The following FOXN3 variants were observed in gnomAD, a reference collection of about 807,000 sequenced individuals.
FOXN3 encodes the protein forkhead box N3.
A neutral mutation model predicts 38.4 loss-of-function variants in FOXN3; 7 were observed. The ratio of observed to expected loss-of-function variants is 0.18; its 90% CI spans 0.10 to 0.34. The LOEUF (loss-of-function observed/expected upper bound fraction) is 0.34, where lower values mean the gene tolerates loss of function less well. FOXN3 is among the 10% of genes least tolerant of loss of function. FOXN3 has a pLI of 1.00. For missense variants in FOXN3, 456 were observed against 613.4 expected (o/e 0.74, Z 2.71); for synonymous variants, 230 against 242.2 (o/e 0.95, Z 0.47).
At chr14:89,283,955 G>A (rs565703136) in intron 3 of FOXN3, among the ~76,000 whole-genome samples, 61 of 152,230 alleles carry the variant, frequency 4.0e-4, no homozygotes, top group African/African-American at 1.4e-3. Flanking sequence ...CCACCTGCCA[G>A]GTTCAAGCAA....
rs1040310359 is a variant in FOXN3 at position 89,414,918 on chromosome 14, C to A, written c.-15+1953G>T. Among the ~76,000 whole-genome samples the A allele has an allele frequency of 2.6e-5, 4 of 152,278 alleles. No homozygotes were observed. The East Asian group carries it at 7.7e-4, about 29-fold the overall frequency. Reference sequence around the variant, plus strand: ...GCAGTACAGACCAGGCAGGATGCTCCAGACGTCTTGGGTTCACTCACAGGG... The same window carrying A: ...GCAGTACAGACCAGGCAGGATGCTCAAGACGTCTTGGGTTCACTCACAGGG... On this transcript the variant is annotated intron_variant, in intron 1 of 5. Coordinates refer to ENST00000557258, the MANE Select transcript of FOXN3 (RefSeq NM_005197.4).
In FOXN3 at chr14:89,283,805, C is replaced by T. The variant is rs118100627; in HGVS notation, c.681-2791G>A. Among the ~76,000 whole-genome samples the T allele has an allele frequency of 1.8e-4, 27 of 152,304 alleles. No individual in the cohort carries two copies. The East Asian group carries it at 4.8e-3, about 27-fold the overall frequency. ...CCATTTACTGAGCATAGTAATCAAC[C>T]CTTTTCCATGGAATCCTCTAATTCT... is the stretch of plus-strand genomic sequence containing the variant. On this transcript the variant is annotated intron_variant, in intron 3 of 5. Coordinates refer to ENST00000557258, the MANE Select transcript of FOXN3 (RefSeq NM_005197.4).
chr14:89,459,185 A>G (rs1892788564), intron 1 of FOXN3, among the ~76,000 whole-genome samples: 1 of 151,438 alleles, frequency 6.6e-6, no homozygotes, highest in African/African-American at 2.5e-5. Flanking sequence ...AAAAAGGGGA[A>G]AAAAAACAGG....
intron 1 of FOXN3, among the ~76,000 whole-genome samples, chr14:89,481,765 T>G (rs1893335793): frequency 6.6e-6 from 1 of 152,162 alleles, no homozygotes; most frequent in Non-Finnish European, 1.5e-5. Flanking sequence ...AACAAAAAGC[T>G]GAGAAGAGTG....
chr14:89,553,184 A>C (rs571197554), intron 1 of FOXN3, among the ~76,000 whole-genome samples: 2 of 150,718 alleles, frequency 1.3e-5, no homozygotes, highest in Non-Finnish European at 3.0e-5. Flanking sequence ...GAATGCAGTA[A>C]GCAGTGATGT....
chr14:89,527,068 G>A (rs1894447308), intron 1 of FOXN3, among the ~76,000 whole-genome samples: 1 of 151,432 alleles, frequency 6.6e-6, no homozygotes, highest in Non-Finnish European at 1.5e-5. Flanking sequence ...GGAGGAGGAA[G>A]GGGAAGGGAG....
chr14:89,549,724 G>C (rs1482228719), intron 1 of FOXN3, among the ~76,000 whole-genome samples: 1 of 152,184 alleles, frequency 6.6e-6, no homozygotes, highest in Non-Finnish European at 1.5e-5. Context: ...TCAGATTCAA[G>C]GCATGGCCAA....
upstream of FOXN3, among the ~76,000 whole-genome samples, chr14:89,421,309 C>T (rs1329857694): frequency 6.0e-5 from 9 of 150,182 alleles, no homozygotes; most frequent in African/African-American, 2.2e-4. Context: ...ACCACCACAC[C>T]TGGCTAATTT....
chr14:89,520,820 A>G (rs1470604771), intron 1 of FOXN3, among the ~76,000 whole-genome samples: 1 of 152,230 alleles, frequency 6.6e-6, no homozygotes, highest in Admixed American at 6.5e-5. Flanking sequence ...GCAATCAGAA[A>G]GACTGATCCC....
chr14:89,585,767 AAAAAAG>A (rs1429953954), intron 1 of FOXN3, among the ~76,000 whole-genome samples: 9 of 151,864 alleles, frequency 5.9e-5, no homozygotes, highest in Non-Finnish European at 1.0e-4. Flanking sequence ...GAAAAAAAAA[AAAAAAG>A]AAAGGAAGGA....
intron 1 of FOXN3, among the ~76,000 whole-genome samples, chr14:89,500,495 C>T (rs988125954): frequency 6.6e-6 from 1 of 152,218 alleles, no homozygotes; most frequent in African/African-American, 2.4e-5. Context: ...CTTTACCACT[C>T]TGTTTCAAGC....
chr14:89,324,626 G>T (rs8019397), intron 3 of FOXN3, among the ~76,000 whole-genome samples: 1 of 152,090 alleles, frequency 6.6e-6, no homozygotes, highest in Admixed American at 6.6e-5. Flanking sequence ...ACAAAACAGC[G>T]TTTCATCCTA....
At chr14:89,410,541 A>C (rs1333554059) in intron 2 of FOXN3, among the ~76,000 whole-genome samples, 1 of 152,192 alleles carries the variant, frequency 6.6e-6, no homozygotes, top group African/African-American at 2.4e-5. Context: ...CCACTTCTTA[A>C]CAGCTGCCCA....
intron 1 of FOXN3, among the ~76,000 whole-genome samples, chr14:89,455,274 G>A (rs990851443): frequency 4.6e-5 from 7 of 152,192 alleles, no homozygotes; most frequent in African/African-American, 1.4e-4. Context: ...GAAACAAAGG[G>A]AAAAGGAAAA....
intron 3 of FOXN3, among the ~76,000 whole-genome samples, chr14:89,339,972 C>A (rs975961395): frequency 6.6e-6 from 1 of 152,060 alleles, no homozygotes; most frequent in African/African-American, 2.4e-5. Context: ...GGGTGGGGGG[C>A]AATTTCCAGT....
intron 3 of FOXN3, among the ~76,000 whole-genome samples, chr14:89,302,720 C>T (rs1014765189): frequency 6.6e-6 from 1 of 152,190 alleles, no homozygotes; most frequent in African/African-American, 2.4e-5. Context: ...CCTCCAAAGC[C>T]ACTTGCAGAG....
At chr14:89,393,599 C>T (rs1425902925) in intron 2 of FOXN3, among the ~76,000 whole-genome samples, 1 of 152,224 alleles carries the variant, frequency 6.6e-6, no homozygotes, top group African/African-American at 2.4e-5. Context: ...CCATAAACCA[C>T]CACACCTCAG....
At chr14:89,435,880 T>A (rs1892265267) in intron 1 of FOXN3, among the ~76,000 whole-genome samples, 1 of 152,168 alleles carries the variant, frequency 6.6e-6, no homozygotes, top group Non-Finnish European at 1.5e-5. Context: ...CCTTCCTGGA[T>A]CTCCTCTGAA....
intron 1 of FOXN3, among the ~76,000 whole-genome samples, chr14:89,617,903 A>C (rs182524549): frequency 6.6e-6 from 1 of 152,340 alleles, no homozygotes; most frequent in African/African-American, 2.4e-5. Flanking sequence ...CTAACTGACC[A>C]ATCAGTGTGA....
Sources: gnomAD v4.1 joint callset for allele counts (sites outside exome capture counted in the v4.1 genomes callset) on GRCh38, gnomAD v4.1.1 for gene constraint, MANE v1.5 for transcripts, NCBI Gene and HGNC (gene_info 2026-07-23, HGNC 2026-07-21) for gene names.